The following TMTC2 variants were observed in gnomAD, a reference collection of about 807,000 sequenced individuals.
The protein encoded by TMTC2 is transmembrane O-mannosyltransferase targeting cadherins 2, also known as protein O-mannosyl-transferase TMTC2.
TMTC2 carries 43 observed loss-of-function variants against 82.4 expected under a neutral mutation model. The ratio of observed to expected loss-of-function variants is 0.52; its 90% CI spans 0.41 to 0.67. The LOEUF is 0.67. TMTC2 is among the 30% of genes least tolerant of loss of function. The probability of loss-of-function intolerance (pLI) is 0.00; values close to 1 mark genes in which losing one functional copy is unlikely to be tolerated. For missense variants in TMTC2, 919 were observed against 1,012.4 expected (o/e 0.91, Z 1.25); for synonymous variants, 408 against 381.9 (o/e 1.07, Z -0.80).
chr12:82,719,671 C>CT (rs202235180), intron 1 of TMTC2, among the ~76,000 whole-genome samples: 6,148 of 128,104 alleles, frequency 0.048, 456 homozygotes, highest in East Asian at 0.12. Flanking sequence ...GTCTCTCTGT[C>CT]TTTTTTTTTT....
intron 11 of TMTC2, among the ~76,000 whole-genome samples, chr12:83,088,618 T>C (rs1038451783): frequency 6.6e-6 from 1 of 152,128 alleles, no homozygotes; most frequent in Non-Finnish European, 1.5e-5. Context: ...AAAGATGGAG[T>C]AACAGCCAGT....
At chr12:83,057,313 C>T (rs1882582753) in intron 10 of TMTC2, among the ~76,000 whole-genome samples, 2 of 151,988 alleles carry the variant, frequency 1.3e-5, no homozygotes, top group South Asian at 4.1e-4. Context: ...ATATTGTCAG[C>T]GTAGTTTTTT....
intron 1 of TMTC2, among the ~76,000 whole-genome samples, chr12:82,832,199 TTCTAGCTGAATTCATTTGGCTG>T (rs1290536831): frequency 6.6e-6 from 1 of 152,162 alleles, no homozygotes; most frequent in Non-Finnish European, 1.5e-5. Flanking sequence ...TTTCCTGGCC[TTCTAGCTGAATTCATTTGGCTG>T]TGAAGTTAAA....
intron 8 of TMTC2, among the ~76,000 whole-genome samples, chr12:83,026,973 T>C (rs529720904): frequency 4.5e-4 from 68 of 152,264 alleles, no homozygotes; most frequent in African/African-American, 1.6e-3. Context: ...TACATTTATA[T>C]GTTTTATTGC....
intron 11 of TMTC2, among the ~76,000 whole-genome samples, chr12:83,121,271 A>G (rs140324177): frequency 0.02 from 3,059 of 152,170 alleles, 38 homozygotes; most frequent in Middle Eastern, 0.044. Flanking sequence ...GTTCCTTCTC[A>G]TTTGAGTAGG....
chr12:83,076,264 T>C (rs1883280682), intron 11 of TMTC2, among the ~76,000 whole-genome samples: 2 of 152,056 alleles, frequency 1.3e-5, no homozygotes, highest in African/African-American at 4.8e-5. Context: ...ATCAAGGGAG[T>C]TGAGGCATAG....
chr12:82,915,981 G>T (rs1232301326), intron 3 of TMTC2, among the ~76,000 whole-genome samples: 2 of 152,182 alleles, frequency 1.3e-5, no homozygotes, highest in Non-Finnish European at 2.9e-5. Flanking sequence ...ATTGTTTGAG[G>T]CCAGAAGTTC....
rs757571650 is a variant in TMTC2 at position 82,771,992 on chromosome 12, G to A, written c.83+84323G>A. On this transcript the variant is annotated intron_variant, in intron 1 of 11. Transcript: ENST00000321196. Reference sequence around the variant, plus strand: ...GCAGATTGTCTCATTAACCTTGTTCGTCTCATAGTAACAACATCTCCCTCT... The same window carrying A: ...GCAGATTGTCTCATTAACCTTGTTCATCTCATAGTAACAACATCTCCCTCT... Among the ~76,000 whole-genome samples, 12 of 152,086 alleles carry A rather than the reference G, an allele frequency of 7.9e-5. No homozygotes were observed. The East Asian group carries it at 1.5e-3, about 20-fold the overall frequency.
intron 8 of TMTC2, among the ~76,000 whole-genome samples, chr12:82,997,368 G>A (rs9888388): frequency 3.0e-3 from 105 of 35,440 alleles, no homozygotes; most frequent in South Asian, 4.6e-3. Flanking sequence ...ATATATATGT[G>A]TATATATATA....
At chr12:83,097,556 G>A (rs1884071687) in intron 11 of TMTC2, among the ~76,000 whole-genome samples, 1 of 152,154 alleles carries the variant, frequency 6.6e-6, no homozygotes, top group Non-Finnish European at 1.5e-5. Context: ...TGCCCTAGGT[G>A]TTAGGAATGA....
intron 1 of TMTC2, among the ~76,000 whole-genome samples, chr12:82,731,236 A>G (rs1304966471): frequency 1.3e-5 from 2 of 152,258 alleles, no homozygotes; most frequent in African/African-American, 4.8e-5. Flanking sequence ...TGTGTAGCAC[A>G]AAAGGTTGTG....
At chr12:82,784,269 A>C (rs1475395853) in intron 1 of TMTC2, among the ~76,000 whole-genome samples, 2 of 151,950 alleles carry the variant, frequency 1.3e-5, no homozygotes, top group Non-Finnish European at 2.9e-5. Flanking sequence ...ATTTTGTGCA[A>C]CTCTTTCCTT....
chr12:82,800,426 G>C (rs975835187), intron 1 of TMTC2, among the ~76,000 whole-genome samples: 1 of 152,094 alleles, frequency 6.6e-6, no homozygotes, highest in African/African-American at 2.4e-5. Flanking sequence ...TGTGTGTCTG[G>C]ACAGTTGTTC....
intron 3 of TMTC2, among the ~76,000 whole-genome samples, chr12:82,904,910 T>G (rs1874207801): frequency 6.6e-6 from 1 of 152,092 alleles, no homozygotes; most frequent in Non-Finnish European, 1.5e-5. Flanking sequence ...TTTCTCCAAT[T>G]TCCGACAGCT....
intron 3 of TMTC2, among the ~76,000 whole-genome samples, chr12:82,898,592 A>G (rs1390681078): frequency 6.6e-6 from 1 of 152,194 alleles, no homozygotes; most frequent in East Asian, 1.9e-4. Flanking sequence ...TCAGAATCCA[A>G]GCTATTTCTC....
At chr12:83,089,276 T>G (rs1372074367) in intron 11 of TMTC2, among the ~76,000 whole-genome samples, 1 of 152,220 alleles carries the variant, frequency 6.6e-6, no homozygotes, top group East Asian at 1.9e-4. Flanking sequence ...AATGTTTGCT[T>G]TTATTCTGCT....
intron 1 of TMTC2, among the ~76,000 whole-genome samples, chr12:82,777,300 A>G (rs1877650931): frequency 6.6e-6 from 1 of 152,172 alleles, no homozygotes; most frequent in African/African-American, 2.4e-5. Context: ...TAGTTCTTCT[A>G]CTTATTGCAA....
chr12:83,087,946 G>T (rs1230860748), intron 11 of TMTC2, among the ~76,000 whole-genome samples: 1 of 152,196 alleles, frequency 6.6e-6, no homozygotes, highest in African/African-American at 2.4e-5. Flanking sequence ...AAGCCAGGCA[G>T]TGACTTCTCT....
intron 11 of TMTC2, among the ~76,000 whole-genome samples, chr12:83,101,398 A>G (rs537577019): frequency 5.4e-4 from 83 of 152,340 alleles, no homozygotes; most frequent in African/African-American, 1.9e-3. Context: ...TGTCAGAAAA[A>G]TCAGAAAATT....
Sources: allele counts gnomAD v4.1 joint callset (sites outside exome capture counted in the v4.1 genomes callset), GRCh38; gene constraint gnomAD v4.1.1; transcripts MANE v1.5; gene names NCBI Gene and HGNC (gene_info 2026-07-23, HGNC 2026-07-21).